NEDD4: variants seen among roughly 807,000 people sequenced by gnomAD.
The protein encoded by NEDD4 is NEDD4 E3 ubiquitin protein ligase.
In NEDD4, 99 loss-of-function variants were observed where a neutral mutation model predicts 144.9. That is an observed-to-expected ratio of 0.68 (90% confidence interval 0.58 to 0.81). The LOEUF is 0.81. Ranked by LOEUF, NEDD4 falls within the 30% of genes least tolerant of loss-of-function variation. The pLI, the probability that NEDD4 is intolerant of heterozygous loss-of-function variation, is 0.00. For synonymous variants in NEDD4, 318 were observed against 350.6 expected (o/e 0.91, Z 1.04); for missense variants, 985 against 1,065.9 (o/e 0.92, Z 1.06).
At chr15:55,940,787 G>A (rs1473879152) in intron 4 of NEDD4, among the ~76,000 whole-genome samples, 1 of 151,974 alleles carries the variant, frequency 6.6e-6, no homozygotes, top group Non-Finnish European at 1.5e-5. Flanking sequence ...CTCTCGAAGT[G>A]CTGGTATTAT....
rs1428950046 is a variant in NEDD4 at position 55,960,491 on chromosome 15, G to A, written c.119+5982C>T. ...ACTCTTGGACTTACACCAGTGATAT[G>A]CTAGGGGCTCTTGTACCTTCAGCCA... On this transcript the variant is annotated intron_variant, in intron 2 of 28. Transcript: ENST00000435532. 5.9e-5 allele frequency among the ~76,000 whole-genome samples: 9 copies of A among 152,300 alleles called. No individual in the cohort carries two copies. In the South Asian group the frequency reaches 1.7e-3, roughly 28 times the overall value.
At chr15:55,845,878 T>C (rs1403660071) in intron 18 of NEDD4, among the ~76,000 whole-genome samples, 1 of 151,036 alleles carries the variant, frequency 6.6e-6, no homozygotes, top group African/African-American at 2.4e-5. Flanking sequence ...CTCTGCCTCC[T>C]GGGTTCAAGC....
chr15:55,971,485 C>T (rs1349062213), intron 1 of NEDD4, among the ~76,000 whole-genome samples: 1 of 151,980 alleles, frequency 6.6e-6, no homozygotes, highest in African/African-American at 2.4e-5. Flanking sequence ...ATTAGCCAAG[C>T]ATGGCAGCGT....
intron 4 of NEDD4, among the ~76,000 whole-genome samples, chr15:55,939,402 GC>G (rs1413776072): frequency 6.6e-6 from 1 of 152,058 alleles, no homozygotes; most frequent in Non-Finnish European, 1.5e-5. Flanking sequence ...CATGACTGAG[GC>G]CTCCCCAGCC....
chr15:55,849,791 AT>A lies in NEDD4; in HGVS notation c.1347+750del, dbSNP rs1202773235. ...ATTCATCTGCTGCTAATTTTAAGTA[AT>A]TTTTTTTTTTTTTTTTTTGAGATGG... On this transcript the variant is annotated intron_variant, in intron 14 of 28. Transcript: ENST00000435532. Among the ~76,000 whole-genome samples the A allele has an allele frequency of 5.1e-3, 740 of 145,308 alleles. 8 individuals carry two copies. The highest frequency in any genetic ancestry group is 8.1e-3 in the Non-Finnish European group (531 of 65,876).
At chr15:55,965,382 T>C (rs535153712) in intron 2 of NEDD4, among the ~76,000 whole-genome samples, 2 of 152,184 alleles carry the variant, frequency 1.3e-5, no homozygotes, top group South Asian at 4.2e-4. Context: ...TTTGTACTTT[T>C]TGTAGAGACA....
chr15:55,983,297 T>TGCGC (rs1555409967), intron 1 of NEDD4, among the ~76,000 whole-genome samples: 16 of 141,410 alleles, frequency 1.1e-4, no homozygotes, highest in African/African-American at 3.6e-4. Context: ...TGTGTGTGTG[T>TGCGC]GTGCGTGCGC....
chr15:55,863,221 T>C (rs2034469698), intron 8 of NEDD4, 142 bp from the exon 9 acceptor site: 1 of 636,668 alleles, frequency 1.6e-6, no homozygotes, highest in Non-Finnish European at 2.3e-6. Context: ...TCCTCAACTT[T>C]TAAGACCATA....
chr15:55,965,970 A>G (rs1317136870), intron 2 of NEDD4, among the ~76,000 whole-genome samples: 1 of 152,074 alleles, frequency 6.6e-6, no homozygotes, highest in Non-Finnish European at 1.5e-5. Context: ...TTTTTAATTG[A>G]ACCAAAGTTT....
chr15:55,888,743 T>C (rs6493825), intron 5 of NEDD4, among the ~76,000 whole-genome samples: 116,463 of 152,092 alleles, frequency 0.77, 44,725 homozygotes, highest in Admixed American at 0.82. Flanking sequence ...ATGGTACTGG[T>C]ATAAAAACAG....
At chr15:55,984,130 C>T (rs1448154474) in intron 1 of NEDD4, among the ~76,000 whole-genome samples, 1 of 152,066 alleles carries the variant, frequency 6.6e-6, no homozygotes, top group Admixed American at 6.5e-5. Flanking sequence ...CAGAGGTCCA[C>T]CTAAAAGCTT....
chr15:55,869,542 A>T (rs1428585902), intron 8 of NEDD4, 37 bp downstream of exon 8: 11 of 1,290,204 alleles, frequency 8.5e-6, no homozygotes, highest in South Asian at 5.4e-5. Flanking sequence ...AGAAATTAAA[A>T]TTTTTTTAGT....
intron 15 of NEDD4, 23 bp from the exon 16 acceptor site, chr15:55,848,598 A>G (rs1450593295): frequency 2.5e-6 from 4 of 1,603,112 alleles, no homozygotes; most frequent in East Asian, 2.2e-5. Flanking sequence ...ATGTATTTCA[A>G]TTATTTTAGG....
chr15:55,900,806 A>G (rs2035892790), intron 5 of NEDD4, among the ~76,000 whole-genome samples: 1 of 152,184 alleles, frequency 6.6e-6, no homozygotes, highest in African/African-American at 2.4e-5. Context: ...ACATTTTAAT[A>G]TGAAGATAAA....
At chr15:55,866,696 T>C (rs932218351) in intron 8 of NEDD4, among the ~76,000 whole-genome samples, 2 of 152,152 alleles carry the variant, frequency 1.3e-5, no homozygotes, top group Non-Finnish European at 2.9e-5. Flanking sequence ...AATGTATTTA[T>C]ATTATCTGAG....
At chr15:55,866,827 C>G (rs1206964134) in intron 8 of NEDD4, among the ~76,000 whole-genome samples, 3 of 152,086 alleles carry the variant, frequency 2.0e-5, no homozygotes, top group Admixed American at 2.0e-4. Flanking sequence ...GGATACAATG[C>G]CTCTATACAG....
chr15:55,853,169 A>G (rs1460821896), intron 12 of NEDD4, among the ~76,000 whole-genome samples: 2 of 152,242 alleles, frequency 1.3e-5, no homozygotes, highest in Admixed American at 6.5e-5. Context: ...GTATTATAAT[A>G]AAAATGGGTA....
chr15:55,869,889 A>AAATCAATAAATC (rs146081341), intron 7 of NEDD4, among the ~76,000 whole-genome samples: 188 of 149,978 alleles, frequency 1.3e-3, no homozygotes, highest in African/African-American at 3.7e-3. Context: ...ATAAATAAAT[A>AAATCAATAAATC]AATAATTGTT....
intron 11 of NEDD4, among the ~76,000 whole-genome samples, chr15:55,860,086 TCTGCTA>T (rs1325459312): frequency 6.6e-6 from 1 of 152,134 alleles, no homozygotes; most frequent in South Asian, 2.1e-4. Flanking sequence ...TTTCTAACAT[TCTGCTA>T]CCAAAACACC....
Sources: gnomAD v4.1 joint callset for allele counts (sites outside exome capture counted in the v4.1 genomes callset) on GRCh38, gnomAD v4.1.1 for gene constraint, MANE v1.5 for transcripts, NCBI Gene and HGNC (gene_info 2026-07-23, HGNC 2026-07-21) for gene names.